Variants in DNAH3 observed in about 807,000 individuals in gnomAD.
The protein encoded by DNAH3 is axonemal beta dynein heavy chain 3.
DNAH3 carries 332 observed loss-of-function variants against 432.5 expected under a neutral mutation model. The ratio of observed to expected loss-of-function variants is 0.77; its 90% CI spans 0.70 to 0.84. The LOEUF (loss-of-function observed/expected upper bound fraction) is 0.84. Ranked by LOEUF, DNAH3 falls within the 40% of genes least tolerant of loss-of-function variation. The pLI, the probability that DNAH3 is intolerant of heterozygous loss-of-function variation, is 0.00. For synonymous variants in DNAH3, 1,956 were observed against 1,900.2 expected (o/e 1.03, Z -0.76); for missense variants, 4,861 against 5,114.0 (o/e 0.95, Z 1.51).
intron 37 of DNAH3, among the ~76,000 whole-genome samples, chr16:21,029,555 A>G (rs142180322): frequency 3.9e-5 from 6 of 152,342 alleles, no homozygotes; most frequent in African/African-American, 1.4e-4. Flanking sequence ...GAGACTAAAT[A>G]GCTTGTCTGA....
intron 15 of DNAH3, among the ~76,000 whole-genome samples, chr16:21,105,231 T>C (rs1285792665): frequency 6.6e-6 from 1 of 152,008 alleles, no homozygotes; most frequent in Non-Finnish European, 1.5e-5. Flanking sequence ...CATCTCTCCC[T>C]CCCATCAACC....
chr16:21,067,204 A>G, intron 24 of DNAH3, 79 bp downstream of exon 24: 1 of 1,548,624 alleles, frequency 6.5e-7, no homozygotes, highest in Non-Finnish European at 8.9e-7. Context: ...GTTGAAGCCA[A>G]CTCTTGGCAT....
chr16:20,970,214 A>G (rs2085275824), intron 51 of DNAH3, among the ~76,000 whole-genome samples: 1 of 152,174 alleles, frequency 6.6e-6, no homozygotes, highest in African/African-American at 2.4e-5. Flanking sequence ...TGTCCCGAAC[A>G]TCTGAGCATT....
At chr16:21,112,828 A>G (rs1372182895) in intron 12 of DNAH3, among the ~76,000 whole-genome samples, 1 of 152,072 alleles carries the variant, frequency 6.6e-6, no homozygotes. Context: ...GTCAAAGGAG[A>G]TCATTTTGGA....
At chr16:21,007,221 T>G (rs184332667) in intron 41 of DNAH3, among the ~76,000 whole-genome samples, 1 of 151,178 alleles carries the variant, frequency 6.6e-6, no homozygotes, top group Admixed American at 6.6e-5. Context: ...CCTTTTTTTT[T>G]TTTTTTGAGG....
intron 18 of DNAH3, among the ~76,000 whole-genome samples, chr16:21,094,842 T>C (rs1293662374): frequency 2.6e-5 from 4 of 152,120 alleles, no homozygotes; most frequent in African/African-American, 9.7e-5. Context: ...GTTCTCATGA[T>C]AGTGAATAAG....
exon 21 of DNAH3, chr16:21,075,472 A>G (rs756713124): frequency 1.7e-5 from 27 of 1,613,926 alleles, no homozygotes; most frequent in Non-Finnish European, 2.2e-5. Flanking sequence ...CACGAAGCTG[A>G]ACGTCACGTT....
chr16:21,042,556 CTTT>C (rs57265646), intron 31 of DNAH3, among the ~76,000 whole-genome samples: 28 of 152,086 alleles, frequency 1.8e-4, no homozygotes, highest in Non-Finnish European at 5.9e-5. Flanking sequence ...ATTATACACT[CTTT>C]TGTGATGCAT....
At chr16:21,027,294 T>G (rs1474483160) in intron 37 of DNAH3, among the ~76,000 whole-genome samples, 167 bp from the exon 38 acceptor site, 1 of 152,228 alleles carries the variant, frequency 6.6e-6, no homozygotes, top group East Asian at 1.9e-4. Flanking sequence ...GTGCATAAAA[T>G]AAAACACAAA....
At position 21,003,301 on chromosome 16, in the gene DNAH3, T is replaced by C. The variant is rs1052657389; in HGVS notation, c.6023-94A>G. On this transcript the variant is annotated intron_variant, in intron 41 of 61. Coordinates refer to ENST00000261383, the Ensembl canonical transcript of DNAH3. ...TTTAAGTCCCTCAGTTATCAGCATA[T>C]GAAAATGTGTAACTACCAGTACTGG... 12 of 778,336 alleles carry C rather than the reference T, an allele frequency of 1.5e-5. 1 individual carries two copies. The Admixed American group carries it at 2.0e-4, about 13-fold the overall frequency. The allele number at this position is 778,336 out of a possible 1,614,324, so 48.2% of individuals were successfully genotyped here. A position where few individuals can be genotyped will look rare whatever the true frequency, so the allele number is the denominator to read the frequency against.
chr16:21,127,736 C>G, exon 8 of DNAH3: 1 of 1,614,134 alleles, frequency 6.2e-7, no homozygotes, highest in Non-Finnish European at 8.5e-7. Context: ...TGGATCACAT[C>G]CCAAAATTCC....
chr16:21,141,971 T>A (rs1330360153), intron 3 of DNAH3, among the ~76,000 whole-genome samples: 71 of 151,880 alleles, frequency 4.7e-4, no homozygotes, highest in Non-Finnish European at 1.5e-5. Context: ...GAGAATTGCT[T>A]GAACCCAGGA....
chr16:20,972,658 G>A (rs946146552), intron 51 of DNAH3, among the ~76,000 whole-genome samples: 2 of 151,680 alleles, frequency 1.3e-5, no homozygotes, highest in African/African-American at 2.4e-5. Context: ...CCACCCAGGG[G>A]ATCTCCCACA....
chr16:20,994,975 C>T (rs920668693), intron 44 of DNAH3, among the ~76,000 whole-genome samples: 9 of 152,004 alleles, frequency 5.9e-5, no homozygotes, highest in Non-Finnish European at 4.4e-5. Flanking sequence ...CAGGGTCTCA[C>T]CCAGGTTGGA....
chr16:21,058,823 A>G (rs1485777945), intron 26 of DNAH3, among the ~76,000 whole-genome samples: 1 of 148,788 alleles, frequency 6.7e-6, no homozygotes, highest in East Asian at 2.0e-4. Context: ...AACATCACAC[A>G]CTGGGGCCTG....
chr16:20,984,029 G>GAAAAAAGAAAAAAAAAAAAAAAAA (rs2086051499), intron 48 of DNAH3, among the ~76,000 whole-genome samples: 10 of 112,140 alleles, frequency 8.9e-5, no homozygotes, highest in African/African-American at 3.5e-4. Flanking sequence ...CCTATATCCA[G>GAAAAAAGAAAAAAAAAAAAAAAAA]AAAAAAAAAA....
chr16:21,136,371 A>C, exon 6 of DNAH3: 1 of 1,614,024 alleles, frequency 6.2e-7, no homozygotes, highest in Non-Finnish European at 8.5e-7. Flanking sequence ...CTTCTCCTGC[A>C]CGAGGACCAC....
At chr16:21,006,765 A>G (rs2087324388) in intron 41 of DNAH3, among the ~76,000 whole-genome samples, 1 of 151,962 alleles carries the variant, frequency 6.6e-6, no homozygotes, top group African/African-American at 2.4e-5. Context: ...GCTCATTGCA[A>G]CCTCAACCTC....
At chr16:21,106,429 A>G in intron 15 of DNAH3, 61 bp downstream of exon 15, 4 of 1,287,294 alleles carry the variant, frequency 3.1e-6, no homozygotes, top group Non-Finnish European at 4.2e-6. Context: ...TGTTATATAT[A>G]CAAATATAAA....
Sources: gnomAD v4.1 joint callset for allele counts (sites outside exome capture counted in the v4.1 genomes callset) on GRCh38, gnomAD v4.1.1 for gene constraint, MANE v1.5 for transcripts, NCBI Gene and HGNC (gene_info 2026-07-23, HGNC 2026-07-21) for gene names.